The following CEMIP variants were observed in gnomAD, a reference collection of about 807,000 sequenced individuals.
The protein encoded by CEMIP is cell migration-inducing and hyaluronan-binding protein.
Under a neutral mutation model 156.9 loss-of-function variants are expected in CEMIP, and 105 were observed. That is an observed-to-expected ratio of 0.67 (90% CI 0.57 to 0.79). CEMIP has a LOEUF of 0.79. Ranked by LOEUF, CEMIP falls within the 30% of genes least tolerant of loss-of-function variation. CEMIP has a pLI of 0.00. For missense variants in CEMIP, 1,457 were observed against 1,769.4 expected (o/e 0.82, Z 3.17); for synonymous variants, 676 against 668.4 (o/e 1.01, Z -0.17).
In CEMIP at chr15:80,928,956, G is replaced by A. The variant is rs1295807619; in HGVS notation, c.2456+19G>A. ...TGGCCAGGTAAGGGCAACTGTCATT[G>A]TACTTGGTCCTCTGTGGGATCTTGT... On this transcript the variant is annotated intron_variant, in intron 20 of 29. Transcript: ENST00000394685. The A allele has an allele frequency of 6.2e-7, 1 of 1,614,112 alleles. No individual in the cohort carries two copies.
At chr15:80,825,078 G>A (rs1896999324) in intron 1 of CEMIP, among the ~76,000 whole-genome samples, 1 of 152,202 alleles carries the variant, frequency 6.6e-6, no homozygotes, top group South Asian at 2.1e-4. Context: ...GAGGGAGGAA[G>A]GAGGTGTCAT....
Position 80,895,874 on chromosome 15 carries a change from C to T in CEMIP, c.1225C>T (p.Pro409Ser). 6.2e-7 allele frequency: 1 copy of T among 1,614,092 alleles called. No homozygotes were observed. Among genetic ancestry groups the T allele is most frequent in the Non-Finnish European group, 8.5e-7 (1 of 1,179,986 alleles). Residue 409 changes from proline to serine, a missense_variant, in exon 12 of 30, where the codon CCC becomes TCC. Coordinates refer to ENST00000394685, the MANE Select transcript of CEMIP (RefSeq NM_001293298.2). Reference protein sequence around the residue: ...VRFLCGKPVRPKLTVTIDTNV... With the variant: ...VRFLCGKPVRSKLTVTIDTNV... ...TTTCCTGTTTTGGGTTACAGTGAGG[C>T]CCAAACTCACAGTCACCATTGACAC...
rs755773286 is a variant in CEMIP, at chr15:80,949,040, G to A, written c.*116G>A. 1.6e-5 allele frequency: 23 copies of A among 1,404,426 alleles called. No individual in the cohort carries two copies. Among genetic ancestry groups the A allele is most frequent in the South Asian group, 4.6e-5 (4 of 86,472 alleles). The allele number at this position is 1,404,426 out of a possible 1,614,324, so 87.0% of individuals were successfully genotyped here. A position where few individuals can be genotyped will look rare whatever the true frequency, so the allele number is the denominator to read the frequency against. ...CTGCCAGCAGCTGCCTGGGAAGGCCGTGTTTCAGCCCTGATGGGCCAAGGG... is the reference window on the plus strand; with the variant it reads ...CTGCCAGCAGCTGCCTGGGAAGGCCATGTTTCAGCCCTGATGGGCCAAGGG... On this transcript the variant is annotated 3_prime_UTR_variant, in exon 30 of 30. Transcript: ENST00000394685.
At chr15:80,870,885 C>A (rs75003356) in intron 1 of CEMIP, among the ~76,000 whole-genome samples, 337 of 152,318 alleles carry the variant, frequency 2.2e-3, no homozygotes, top group Middle Eastern at 0.01. Context: ...AAAGGACAGG[C>A]AAGCTCAGGT....
intron 17 of CEMIP, 75 bp from the exon 18 acceptor site, chr15:80,924,546 G>A: frequency 7.6e-7 from 1 of 1,310,034 alleles, no homozygotes; most frequent in Non-Finnish European, 1.1e-6. Flanking sequence ...GAAGTATGCA[G>A]TGAGGCTGAC....
intron 27 of CEMIP, 112 bp from the exon 28 acceptor site, chr15:80,942,833 A>C (rs1469674514): frequency 4.0e-6 from 5 of 1,256,188 alleles, no homozygotes; most frequent in Non-Finnish European, 5.8e-6. Flanking sequence ...TTACGCTTCA[A>C]ATAGATGCAT....
chr15:80,889,267 A>G (rs529726641), intron 9 of CEMIP, among the ~76,000 whole-genome samples: 1 of 152,370 alleles, frequency 6.6e-6, no homozygotes, highest in African/African-American at 2.4e-5. Context: ...AAAAGTAAGA[A>G]ACTCATTAAG....
chr15:80,933,591 TCTTTC>T, intron 23 of CEMIP, 131 bp downstream of exon 23: 1 of 711,874 alleles, frequency 1.4e-6, no homozygotes, highest in South Asian at 2.0e-5. Context: ...TCTTTTTCTT[TCTTTC>T]CTTTTATTTT....
intron 1 of CEMIP, among the ~76,000 whole-genome samples, chr15:80,850,857 T>C (rs937364921): frequency 1.3e-5 from 2 of 152,152 alleles, no homozygotes; most frequent in Non-Finnish European, 2.9e-5. Context: ...CAAGGTAGGA[T>C]TGAGAAACGA....
intron 25 of CEMIP, among the ~76,000 whole-genome samples, chr15:80,939,947 A>T (rs1223014470): frequency 6.6e-6 from 1 of 152,204 alleles, no homozygotes; most frequent in Non-Finnish European, 1.5e-5. Context: ...AGGGGATTTC[A>T]AAGTGTGAAA....
In CEMIP at chr15:80,881,060, G is replaced by A; in HGVS notation, c.541G>A (p.Glu181Lys). Residue 181 changes from glutamate (E) to lysine (K), a missense_variant, in exon 6 of 30, where the codon GAA becomes AAA. Physicochemically the swap from Glu to Lys is moderately conservative, Grantham distance 56 (BLOSUM62 1). Around this residue, in one of 5 missense-constraint regions of CEMIP, gnomAD observed 309 missense variants for 340.8 expected, o/e 0.91. Transcript: ENST00000394685. Reference sequence around the variant, plus strand: ...CATGGCAGAAGGAGGCTATTTTTTTGAAAGGAGCTGGGGCCACCGTGGAGT... The same window carrying A: ...CATGGCAGAAGGAGGCTATTTTTTTAAAAGGAGCTGGGGCCACCGTGGAGT... ...GGMAEGGYFF[E>K]RSWGHRGVIV... is the part of the protein sequence containing the mutation. 6.2e-7 allele frequency: 1 copy of A among 1,614,162 alleles called. No homozygotes were observed. The highest frequency in any genetic ancestry group is 8.5e-7 in the Non-Finnish European group (1 of 1,180,020).
intron 1 of CEMIP, among the ~76,000 whole-genome samples, chr15:80,850,681 G>A (rs1364095427): frequency 6.6e-6 from 1 of 152,142 alleles, no homozygotes; most frequent in Non-Finnish European, 1.5e-5. Flanking sequence ...GGTGTGGAGG[G>A]AAGGGGGTTC....
At chr15:80,785,345 C>T (rs1031783295) in intron 1 of CEMIP, among the ~76,000 whole-genome samples, 5 of 152,212 alleles carry the variant, frequency 3.3e-5, no homozygotes, top group African/African-American at 1.2e-4. Context: ...CCTCAACCCC[C>T]TCCCTGTGGC....
chr15:80,877,416 G>C (rs1310592294), intron 3 of CEMIP, among the ~76,000 whole-genome samples: 2 of 152,110 alleles, frequency 1.3e-5, no homozygotes, highest in East Asian at 3.8e-4. Context: ...GCTCTGCCAT[G>C]AGCTTACCTG....
chr15:80,869,084 C>A (rs991169519), intron 1 of CEMIP, among the ~76,000 whole-genome samples: 4 of 152,164 alleles, frequency 2.6e-5, no homozygotes, highest in Admixed American at 2.6e-4. Flanking sequence ...TGGCTTGAAG[C>A]CTCTCTCCTT....
At chr15:80,927,141 T>A (rs1005357441) in intron 19 of CEMIP, among the ~76,000 whole-genome samples, 18 of 152,080 alleles carry the variant, frequency 1.2e-4, no homozygotes, top group African/African-American at 3.9e-4. Flanking sequence ...AGGGCCTTCA[T>A]TTTGCACAGG....
At chr15:80,930,691 G>T (rs944633750) in intron 21 of CEMIP, among the ~76,000 whole-genome samples, 1 of 152,200 alleles carries the variant, frequency 6.6e-6, no homozygotes, top group South Asian at 2.1e-4. Flanking sequence ...CTGAAGGCAT[G>T]TTACCGTGAC....
chr15:80,894,541 C>T (rs556268191), intron 10 of CEMIP, among the ~76,000 whole-genome samples: 1 of 152,296 alleles, frequency 6.6e-6, no homozygotes, highest in South Asian at 2.1e-4. Context: ...ATCTGAGGCT[C>T]CGAGGATGGG....
intron 1 of CEMIP, among the ~76,000 whole-genome samples, chr15:80,782,402 C>T (rs1010297235): frequency 3.9e-5 from 6 of 152,128 alleles, no homozygotes; most frequent in Non-Finnish European, 5.9e-5. Context: ...TTGAGCCTTG[C>T]TTAGGTGTGA....
Sources: gnomAD v4.1 joint callset for allele counts (sites outside exome capture counted in the v4.1 genomes callset) on GRCh38, gnomAD v4.1.1 for gene constraint, gnomAD v4.1.1 regional missense constraint, MANE v1.5 for transcripts, NCBI Gene and HGNC (gene_info 2026-07-23, HGNC 2026-07-21) for gene names.